Variants in FLVCR2 observed in about 807,000 individuals in gnomAD.
The protein encoded by FLVCR2 is FLVCR choline and putative heme transporter 2.
FLVCR2 carries 38 observed loss-of-function variants against 48.9 expected under a neutral mutation model. The ratio of observed to expected loss-of-function variants is 0.78; its 90% CI spans 0.60 to 1.02. FLVCR2 has a LOEUF of 1.02. Among genes scored for constraint, FLVCR2 ranks in the 50% least tolerant of loss-of-function variants. FLVCR2 has a pLI of 0.00. For synonymous variants in FLVCR2, 255 were observed against 257.0 expected (o/e 0.99, Z 0.07); for missense variants, 664 against 663.3 (o/e 1.00, Z -0.01).
At chr14:75,600,959 G>A (rs139398107) in intron 1 of FLVCR2, among the ~76,000 whole-genome samples, 23 of 152,086 alleles carry the variant, frequency 1.5e-4, no homozygotes, top group African/African-American at 5.5e-4. Flanking sequence ...CAGCTCAGTT[G>A]GGGAGACCCT....
At chr14:75,645,033 G>GGT (rs71119379) in intron 9 of FLVCR2, among the ~76,000 whole-genome samples, 737 of 13,040 alleles carry the variant, frequency 0.057, 5 homozygotes, top group East Asian at 0.35. Flanking sequence ...AGGCGGGCGT[G>GGT]GTGTGTGTGT....
At chr14:75,609,507 G>C (rs896420786) in intron 1 of FLVCR2, among the ~76,000 whole-genome samples, 2 of 152,160 alleles carry the variant, frequency 1.3e-5, no homozygotes, top group African/African-American at 4.8e-5. Context: ...CTTTCCAGCT[G>C]TCTGTCTGGG....
At chr14:75,638,501 G>T (rs998683205) in intron 5 of FLVCR2, among the ~76,000 whole-genome samples, 4 of 152,220 alleles carry the variant, frequency 2.6e-5, no homozygotes, top group African/African-American at 9.6e-5. Context: ...GTCTGTTCAA[G>T]TAGGGACAGG....
chr14:75,645,428 G>T (rs1366034256), intron 9 of FLVCR2, among the ~76,000 whole-genome samples: 1 of 152,144 alleles, frequency 6.6e-6, no homozygotes, highest in Non-Finnish European at 1.5e-5. Context: ...AAAGGCCCAG[G>T]TTGGCAGTAT....
chr14:75,633,688 C>CA lies in FLVCR2; in HGVS notation c.1013dup (p.His338GlnfsTer33). ...TCTTCTGAATCGCATGGTGATCTGG[C>CA]ACTACCCGGTAAGGGAGTTCCCTAA... On this transcript the variant is annotated frameshift_variant, in exon 4 of 10. Coordinates refer to ENST00000238667, the MANE Select transcript of FLVCR2 (RefSeq NM_017791.3). LOFTEE classifies it high-confidence loss of function. 6.2e-7 allele frequency: 1 copy of CA among 1,612,574 alleles called. No homozygotes were observed. The highest frequency in any genetic ancestry group is 8.5e-7 in the Non-Finnish European group (1 of 1,178,546).
intron 1 of FLVCR2, among the ~76,000 whole-genome samples, chr14:75,621,239 C>T (rs1404670713): frequency 2.0e-5 from 3 of 151,894 alleles, no homozygotes; most frequent in Non-Finnish European, 2.9e-5. Flanking sequence ...TGGTGAAACC[C>T]GTCTCTACTA....
rs572919697 is a variant in FLVCR2, at chr14:75,623,795, A to G, written c.812-817A>G. On this transcript the variant is annotated intron_variant, in intron 2 of 9. Coordinates refer to ENST00000238667, the MANE Select transcript of FLVCR2 (RefSeq NM_017791.3). ...GCTGGGTGTGGTGGCTCATTCCTGT[A>G]ATCCCAGCACTTTGGGAGGCAAAGG... Among the ~76,000 whole-genome samples the G allele has an allele frequency of 3.3e-5, 5 of 152,320 alleles. No individual in the cohort carries two copies. The East Asian group carries it at 7.7e-4, about 23-fold the overall frequency.
intron 1 of FLVCR2, among the ~76,000 whole-genome samples, chr14:75,586,002 AGAGT>A (rs1196753060): frequency 6.6e-6 from 1 of 152,184 alleles, no homozygotes; most frequent in Non-Finnish European, 1.5e-5. Context: ...ATCTCTTCAC[AGAGT>A]GAGGGTGAGG....
intron 7 of FLVCR2, 45 bp downstream of exon 7, chr14:75,641,105 G>A (rs748487791): frequency 1.9e-6 from 3 of 1,562,894 alleles, no homozygotes; most frequent in Non-Finnish European, 2.6e-6. Flanking sequence ...GGAAGGCATT[G>A]CATCATGGCA....
intron 1 of FLVCR2, among the ~76,000 whole-genome samples, chr14:75,598,917 C>G (rs1371968291): frequency 1.3e-5 from 2 of 152,220 alleles, no homozygotes; most frequent in Non-Finnish European, 2.9e-5. Context: ...TACCTCTCAG[C>G]CTTGGCTCTG....
chr14:75,597,279 CAA>C (rs751154954), intron 1 of FLVCR2, among the ~76,000 whole-genome samples: 4 of 106,672 alleles, frequency 3.7e-5, no homozygotes, highest in African/African-American at 3.9e-5. Context: ...AGACCCATCT[CAA>C]AAAAAAAAAA....
At chr14:75,620,428 C>A (rs1889734009) in intron 1 of FLVCR2, among the ~76,000 whole-genome samples, 1 of 152,222 alleles carries the variant, frequency 6.6e-6, no homozygotes, top group Admixed American at 6.5e-5. Flanking sequence ...AGTCACAGAG[C>A]TCAATTAACC....
intron 2 of FLVCR2, 99 bp downstream of exon 2, chr14:75,622,319 A>G (rs1889788233): frequency 1.7e-6 from 2 of 1,198,836 alleles, no homozygotes; most frequent in South Asian, 1.2e-5. Flanking sequence ...CTGAAATACC[A>G]TGGATATTTA....
intron 3 of FLVCR2, among the ~76,000 whole-genome samples, chr14:75,628,602 G>T (rs1889964405): frequency 6.6e-6 from 1 of 152,190 alleles, no homozygotes; most frequent in Non-Finnish European, 1.5e-5. Flanking sequence ...CATTTCACAG[G>T]CACATGTACT....
At chr14:75,589,849 T>C (rs1888839794) in intron 1 of FLVCR2, among the ~76,000 whole-genome samples, 1 of 152,236 alleles carries the variant, frequency 6.6e-6, no homozygotes, top group Non-Finnish European at 1.5e-5. Context: ...ACTTGAGCCA[T>C]GGCTGGGGTA....
intron 1 of FLVCR2, chr14:75,604,051 G>C (rs1889230665): frequency 6.6e-6 from 1 of 152,254 alleles, no homozygotes; most frequent in Non-Finnish European, 1.5e-5. Context: ...TGGAGGAGAA[G>C]ATTCTCATGC....
Position 75,579,029 on chromosome 14 carries a change from C to T in FLVCR2, c.57C>T (p.Ser19=). The T allele has an allele frequency of 6.2e-7, 1 of 1,614,076 alleles. No individual in the cohort carries two copies. The highest frequency in any genetic ancestry group is 8.5e-7 in the Non-Finnish European group (1 of 1,180,014). ...GCGATGACACCCCTGTGCCGGAGTC[C>T]GCACTCCAAGCGGACCCCAGCGTCT... ...EESDDTPVPE[S]ALQADPSVSV... Residue 19 remains serine (S), a synonymous_variant, in exon 1 of 10, where the codon TCC becomes TCT. Transcript: ENST00000238667.
intron 2 of FLVCR2, 114 bp from the exon 3 acceptor site, chr14:75,624,498 C>T: frequency 8.3e-7 from 1 of 1,209,746 alleles, no homozygotes; most frequent in Non-Finnish European, 1.2e-6. Flanking sequence ...TTACTATTTC[C>T]TTTGGGAGTC....
At chr14:75,597,838 G>C (rs1889063536) in intron 1 of FLVCR2, among the ~76,000 whole-genome samples, 1 of 152,164 alleles carries the variant, frequency 6.6e-6, no homozygotes, top group Non-Finnish European at 1.5e-5. Flanking sequence ...CCAATGTGCT[G>C]GGATTGCAGG....
Sources: allele counts gnomAD v4.1 joint callset (sites outside exome capture counted in the v4.1 genomes callset), GRCh38; gene constraint gnomAD v4.1.1; transcripts MANE v1.5; gene names NCBI Gene and HGNC (gene_info 2026-07-23, HGNC 2026-07-21).